LGR5: variants seen among roughly 807,000 people sequenced by gnomAD.
The protein encoded by LGR5 is leucine-rich repeat-containing G protein-coupled receptor 5.
Under a neutral mutation model 76.7 loss-of-function variants are expected in LGR5, and 54 were observed. The ratio of observed to expected loss-of-function variants is 0.70; its 90% CI spans 0.57 to 0.88. The LOEUF is 0.88. Among genes scored for constraint, LGR5 ranks in the 40% least tolerant of loss-of-function variants. LGR5 has a pLI of 0.00. For missense variants in LGR5, 1,078 were observed against 1,073.3 expected, an observed-to-expected ratio of 1.00 and a Z score of -0.06; for synonymous variants, 406 against 421.9, an observed-to-expected ratio of 0.96 and a Z score of 0.46.
At chr12:71,550,161 ATTTTTTTATTT>A (rs1565745599) in intron 4 of LGR5, among the ~76,000 whole-genome samples, 2 of 150,312 alleles carry the variant, frequency 1.3e-5, no homozygotes, top group African/African-American at 5.0e-5. Context: ...CAAGACTTTT[ATTTTTTTATTT>A]TTTTTTTATT....
chr12:71,500,746 G>A (rs918836113), intron 1 of LGR5, among the ~76,000 whole-genome samples: 2 of 152,106 alleles, frequency 1.3e-5, no homozygotes, highest in African/African-American at 4.8e-5. Context: ...ACAGATGTGA[G>A]CCACTGTGCC....
chr12:71,558,849 G>A (rs1234411952), intron 6 of LGR5, among the ~76,000 whole-genome samples: 1 of 152,186 alleles, frequency 6.6e-6, no homozygotes. Context: ...TGTGAGTAAT[G>A]AAATTGAAAA....
intron 1 of LGR5, among the ~76,000 whole-genome samples, chr12:71,465,519 C>A (rs891875919): frequency 3.3e-5 from 5 of 152,270 alleles, no homozygotes; most frequent in Admixed American, 2.0e-4. Context: ...CTTTTCTCCC[C>A]CTGTGCTTTA....
intron 1 of LGR5, among the ~76,000 whole-genome samples, chr12:71,501,699 A>G (rs1874613101): frequency 6.6e-6 from 1 of 152,234 alleles, no homozygotes; most frequent in South Asian, 2.1e-4. Context: ...AAATCACATA[A>G]TAAAATATTG....
intron 4 of LGR5, among the ~76,000 whole-genome samples, chr12:71,547,473 A>G (rs1045431533): frequency 5.3e-5 from 8 of 152,214 alleles, no homozygotes; most frequent in Non-Finnish European, 1.2e-4. Flanking sequence ...AAAATATGAT[A>G]CCACTTCCTA....
At chr12:71,447,444 G>A (rs1305731293) in intron 1 of LGR5, among the ~76,000 whole-genome samples, 1 of 152,116 alleles carries the variant, frequency 6.6e-6, no homozygotes, top group Non-Finnish European at 1.5e-5. Flanking sequence ...GAAAAATTAG[G>A]ATATGTTTGG....
Position 71,584,763 on chromosome 12 carries a change from G to A in LGR5, c.*29G>A. The A allele has an allele frequency of 1.3e-6, 2 of 1,587,020 alleles. No individual in the cohort carries two copies. Among genetic ancestry groups the A allele is most frequent in the Non-Finnish European group, 1.7e-6 (2 of 1,162,472 alleles). ...ATATGTGAAGGAAAATGTTTTCAAA[G>A]GTTGAGAACCTGAAAATGTGAGATT... On this transcript the variant is annotated 3_prime_UTR_variant, in exon 18 of 18. Transcript: ENST00000266674.
intron 8 of LGR5, among the ~76,000 whole-genome samples, chr12:71,562,304 T>C (rs562254725): frequency 3.9e-5 from 6 of 152,350 alleles, no homozygotes; most frequent in South Asian, 4.1e-4. Flanking sequence ...GCTAAGCCTC[T>C]ATCTCCATTC....
chr12:71,514,833 T>A (rs1875357357), intron 2 of LGR5, among the ~76,000 whole-genome samples: 1 of 152,210 alleles, frequency 6.6e-6, no homozygotes, highest in Admixed American at 6.5e-5. Context: ...ACGGCATCAC[T>A]TGAGGCATTG....
chr12:71,457,550 C>T (rs1872534601), intron 1 of LGR5, among the ~76,000 whole-genome samples: 1 of 152,048 alleles, frequency 6.6e-6, no homozygotes, highest in Non-Finnish European at 1.5e-5. Flanking sequence ...GATACTGACA[C>T]AGAAGAGAAA....
intron 4 of LGR5, among the ~76,000 whole-genome samples, chr12:71,544,065 T>G (rs893980852): frequency 6.6e-6 from 1 of 152,200 alleles, no homozygotes; most frequent in African/African-American, 2.4e-5. Flanking sequence ...ACTTTTAATG[T>G]GATTTGACTT....
intron 4 of LGR5, among the ~76,000 whole-genome samples, chr12:71,545,082 G>A (rs188157376): frequency 1.3e-5 from 2 of 151,850 alleles, no homozygotes; most frequent in Admixed American, 1.3e-4. Flanking sequence ...GACCAGCCTA[G>A]GCAACATGGC....
At chr12:71,570,933 C>T (rs7964280) in intron 11 of LGR5, among the ~76,000 whole-genome samples, 29,001 of 152,082 alleles carry the variant, frequency 0.19, 3,152 homozygotes, top group East Asian at 0.44. Context: ...TTCAAGCTTT[C>T]GCAAATTATG....
intron 1 of LGR5, among the ~76,000 whole-genome samples, chr12:71,462,492 C>A (rs1045400801): frequency 2.6e-5 from 4 of 152,066 alleles, no homozygotes; most frequent in South Asian, 2.1e-4. Context: ...ATTTTTCTAA[C>A]CTATTTCTGC....
rs563010548 is a variant in LGR5 at position 71,510,811 on chromosome 12, G to T, written c.284+6126G>T. Among the ~76,000 whole-genome samples, 13 of 152,240 alleles carry T rather than the reference G, an allele frequency of 8.5e-5. No individual in the cohort carries two copies. The South Asian group carries it at 2.5e-3, about 29-fold the overall frequency. On this transcript the variant is annotated intron_variant, in intron 2 of 17. Coordinates refer to ENST00000266674, the MANE Select transcript of LGR5 (RefSeq NM_003667.4). Reference sequence around the variant, plus strand: ...TAAACTGATGAGAAGGTGGAGGAGGGACTGGGAGCCTGGAGCTGAGATACA... The same window carrying T: ...TAAACTGATGAGAAGGTGGAGGAGGTACTGGGAGCCTGGAGCTGAGATACA...
In LGR5 at chr12:71,460,477, T is replaced by C. The variant is rs569144071; in HGVS notation, c.212+20185T>C. 2.0e-5 allele frequency among the ~76,000 whole-genome samples: 3 copies of C among 152,244 alleles called. No homozygotes were observed. The South Asian group carries it at 6.2e-4, about 32-fold the overall frequency. ...ATCTCACTCTGTTATTGATTAACTA[T>C]ATGACTGGCAGGTACCATTTAACTC... On this transcript the variant is annotated intron_variant, in intron 1 of 17. Coordinates refer to ENST00000266674, the MANE Select transcript of LGR5 (RefSeq NM_003667.4).
At position 71,441,963 on chromosome 12, in the gene LGR5, C is replaced by T. The variant is rs528924772; in HGVS notation, c.212+1671C>T. ...GTCAGTGTTGCAAGGATCCCGCGCTCTCCAATGCAGTGAATTTCTGAGACC... is the reference window on the plus strand; with the variant it reads ...GTCAGTGTTGCAAGGATCCCGCGCTTTCCAATGCAGTGAATTTCTGAGACC... On this transcript the variant is annotated intron_variant, in intron 1 of 17. Transcript: ENST00000266674. 2.6e-5 allele frequency: 4 copies of T among 152,240 alleles called. 2 individuals are homozygous for T. The South Asian group carries it at 8.3e-4, about 32-fold the overall frequency. The allele number at this position is 152,240 out of a possible 1,614,324, so 9.4% of individuals were successfully genotyped here.
intron 1 of LGR5, among the ~76,000 whole-genome samples, chr12:71,481,160 T>C (rs1430854922): frequency 6.6e-6 from 1 of 152,180 alleles, no homozygotes; most frequent in Non-Finnish European, 1.5e-5. Flanking sequence ...ACATGTGCCA[T>C]GGTGGTTTGC....
chr12:71,499,888 G>A (rs547444804), intron 1 of LGR5, among the ~76,000 whole-genome samples: 243 of 152,198 alleles, frequency 1.6e-3, no homozygotes, highest in African/African-American at 4.7e-3. Context: ...TTTTCTGGCC[G>A]TGGTGTAGAA....
Sources: allele counts gnomAD v4.1 joint callset (sites outside exome capture counted in the v4.1 genomes callset), GRCh38; gene constraint gnomAD v4.1.1; transcripts MANE v1.5; gene names NCBI Gene and HGNC (gene_info 2026-07-23, HGNC 2026-07-21).